HSD11B1: variants seen among roughly 807,000 people sequenced by gnomAD.
HSD11B1 encodes the protein 11-beta-hydroxysteroid dehydrogenase 1.
HSD11B1 carries 15 observed loss-of-function variants against 22.1 expected under a neutral mutation model. That is an observed-to-expected ratio of 0.68 (90% CI 0.45 to 1.04). The LOEUF (loss-of-function observed/expected upper bound fraction) is 1.04, where lower values mean the gene tolerates loss of function less well. Ranked by LOEUF, HSD11B1 falls within the 50% of genes least tolerant of loss-of-function variation. The probability of loss-of-function intolerance (pLI) is 0.00; values close to 1 mark genes in which losing one functional copy is unlikely to be tolerated. For synonymous variants in HSD11B1, 122 were observed against 125.2 expected, an observed-to-expected ratio of 0.97 and a Z score of 0.17; for missense variants, 281 against 357.6, an observed-to-expected ratio of 0.79 and a Z score of 1.73.
Position 209,722,261 on chromosome 1 carries a change from A to C in HSD11B1, c.518-10175A>C, listed in dbSNP as rs371444657. Reference sequence around the variant, plus strand: ...CAAAGTCACCTTGTGAAATTTAGTAAAAGTTTTATCTTATTTATCTCTGTT... The same window carrying C: ...CAAAGTCACCTTGTGAAATTTAGTACAAGTTTTATCTTATTTATCTCTGTT... On this transcript the variant is annotated intron_variant, in intron 4 of 5. Transcript: ENST00000367027. 1.1e-4 allele frequency among the ~76,000 whole-genome samples: 17 copies of C among 152,286 alleles called. 1 individual carries two copies. In the East Asian group the frequency reaches 2.3e-3, roughly 21 times the overall value.
At chr1:209,697,006 G>T (rs60132042) in intron 1 of HSD11B1, among the ~76,000 whole-genome samples, 6,936 of 152,266 alleles carry the variant, frequency 0.046, 449 homozygotes, top group African/African-American at 0.14. Context: ...AAAGAGCCAG[G>T]GGATAGAGTT....
chr1:209,722,452 C>A (rs1199631855), intron 4 of HSD11B1, among the ~76,000 whole-genome samples: 1 of 152,152 alleles, frequency 6.6e-6, no homozygotes, highest in Non-Finnish European at 1.5e-5. Flanking sequence ...CTATCCTGAA[C>A]CCTCTTCTCT....
rs537226460 is a variant in HSD11B1, at chr1:209,720,894, C to G, written c.518-11542C>G. On this transcript the variant is annotated intron_variant, in intron 4 of 5. Coordinates refer to ENST00000367027, the MANE Select transcript of HSD11B1 (RefSeq NM_005525.4). ...TGCAACCTTATTTGGACAAAGGGTC[C>G]TTGCAGATGTAGTTAAGTTAAGGAT... Among the ~76,000 whole-genome samples, 20 of 152,308 alleles carry G rather than the reference C, an allele frequency of 1.3e-4. No homozygotes were observed. In the East Asian group the frequency reaches 3.9e-3, roughly 29 times the overall value.
At chr1:209,711,504 A>G (rs543841828) in intron 4 of HSD11B1, among the ~76,000 whole-genome samples, 4 of 152,256 alleles carry the variant, frequency 2.6e-5, no homozygotes, top group Admixed American at 6.5e-5. Context: ...TTCTGAGGTG[A>G]GTGGAAGTGT....
At chr1:209,722,419 T>C (rs1465979263) in intron 4 of HSD11B1, among the ~76,000 whole-genome samples, 1 of 152,202 alleles carries the variant, frequency 6.6e-6, no homozygotes, top group South Asian at 2.1e-4. Flanking sequence ...CCAACCTTAA[T>C]TGTTGGTTTC....
intron 4 of HSD11B1, among the ~76,000 whole-genome samples, chr1:209,721,368 T>C (rs2076965277): frequency 6.7e-6 from 1 of 150,116 alleles, no homozygotes; most frequent in South Asian, 2.1e-4. Context: ...AGCAATGACC[T>C]CAATTACAGC....
chr1:209,732,369 T>A, intron 4 of HSD11B1, 67 bp from the exon 5 acceptor site: 2 of 1,551,048 alleles, frequency 1.3e-6, no homozygotes, highest in South Asian at 2.2e-5. Context: ...TTACAAAGCC[T>A]ACTACAGCTC....
chr1:209,698,186 GATAGATA>G (rs2076804666), intron 1 of HSD11B1, among the ~76,000 whole-genome samples: 1 of 150,972 alleles, frequency 6.6e-6, no homozygotes, highest in Non-Finnish European at 1.5e-5. Context: ...TAGATAGATA[GATAGATA>G]GATAGATAGA....
intron 1 of HSD11B1, among the ~76,000 whole-genome samples, chr1:209,698,247 A>G (rs2076805549): frequency 6.6e-6 from 1 of 152,120 alleles, no homozygotes; most frequent in African/African-American, 2.4e-5. Context: ...CATCCTTAAA[A>G]TAACTATTTG....
chr1:209,701,850 AT>A (rs1295195895), upstream of HSD11B1, among the ~76,000 whole-genome samples: 1 of 152,082 alleles, frequency 6.6e-6, no homozygotes, highest in Non-Finnish European at 1.5e-5. Flanking sequence ...ATTCTTGTTC[AT>A]TCAGCCCCTA....
intron 1 of HSD11B1, among the ~76,000 whole-genome samples, chr1:209,686,658 T>C (rs536796267): frequency 8.8e-4 from 55 of 62,572 alleles, no homozygotes; most frequent in African/African-American, 1.7e-3. Flanking sequence ...GCAAGAATTA[T>C]AGAAATGTTG....
chr1:209,730,808 G>A (rs146706279), intron 4 of HSD11B1, among the ~76,000 whole-genome samples: 13 of 152,174 alleles, frequency 8.5e-5, no homozygotes, highest in East Asian at 7.7e-4. Context: ...TTCCAATTCC[G>A]ATAACTGCAA....
At chr1:209,705,668 G>A (rs746494019) in intron 1 of HSD11B1, 143 bp from the exon 2 acceptor site, 14 of 1,008,954 alleles carry the variant, frequency 1.4e-5, no homozygotes, top group Non-Finnish European at 2.1e-5. Flanking sequence ...TTCCCACAGT[G>A]ATTTACGGAG....
At chr1:209,704,708 T>C (rs1403738352), upstream of HSD11B1, 2 of 519,042 alleles carry the variant, frequency 3.9e-6, no homozygotes, top group Non-Finnish European at 7.0e-6. Flanking sequence ...TGAAATGGAG[T>C]AAACATTGTC....
intron 4 of HSD11B1, among the ~76,000 whole-genome samples, 189 bp from the exon 5 acceptor site, chr1:209,732,247 C>T (rs1198375642): frequency 6.6e-6 from 1 of 152,136 alleles, no homozygotes; most frequent in Non-Finnish European, 1.5e-5. Flanking sequence ...CAGCCCAATC[C>T]CACCCTATGC....
chr1:209,729,186 C>T (rs750344304), intron 4 of HSD11B1, among the ~76,000 whole-genome samples: 6 of 152,084 alleles, frequency 3.9e-5, no homozygotes, highest in Non-Finnish European at 7.4e-5. Flanking sequence ...TGGTGAAACC[C>T]TGTTTCTACT....
At position 209,697,238 on chromosome 1, in the gene HSD11B1, T is replaced by C. The variant is rs542250032; in HGVS notation, c.-48-7657T>C. ...CAAACATGACTTTCTCTTTCACACC[T>C]CTTTCTATTTTCCCACACAGCTTCC... On this transcript the variant is annotated intron_variant, in intron 1 of 6. Transcript: ENST00000261465. 6.6e-5 allele frequency among the ~76,000 whole-genome samples: 10 copies of C among 152,248 alleles called. No individual in the cohort carries two copies. In the East Asian group the frequency reaches 1.9e-3, roughly 29 times the overall value.
intron 4 of HSD11B1, among the ~76,000 whole-genome samples, chr1:209,716,225 G>T (rs2076929112): frequency 6.6e-6 from 1 of 151,684 alleles, no homozygotes; most frequent in African/African-American, 2.4e-5. Flanking sequence ...TGATAAACAA[G>T]TTCAGTAAAG....
At chr1:209,696,532 G>T (rs912153888) in intron 1 of HSD11B1, among the ~76,000 whole-genome samples, 12 of 152,186 alleles carry the variant, frequency 7.9e-5, no homozygotes, top group African/African-American at 2.9e-4. Context: ...TCAACACAAA[G>T]GTTGTAATTA....
Sources: allele counts gnomAD v4.1 joint callset (sites outside exome capture counted in the v4.1 genomes callset), GRCh38; gene constraint gnomAD v4.1.1; transcripts MANE v1.5; gene names NCBI Gene and HGNC (gene_info 2026-07-23, HGNC 2026-07-21).